MYO16: variants seen among roughly 807,000 people sequenced by gnomAD.
The protein encoded by MYO16 is myosin XVI.
MYO16 carries 94 observed loss-of-function variants against 205.3 expected under a neutral mutation model. That is an observed-to-expected ratio of 0.46 (90% CI 0.39 to 0.54). The LOEUF (loss-of-function observed/expected upper bound fraction) is 0.54, where lower values mean the gene tolerates loss of function less well. MYO16 is among the 20% of genes least tolerant of loss of function. MYO16 has a pLI of 0.00. For synonymous variants in MYO16, 988 were observed against 954.0 expected, an observed-to-expected ratio of 1.04 and a Z score of -0.66; for missense variants, 2,315 against 2,387.5, an observed-to-expected ratio of 0.97 and a Z score of 0.63.
the MYO16 span, among the ~76,000 whole-genome samples, chr13:108,523,213 C>T: frequency 2.0e-5 from 3 of 152,152 alleles, no homozygotes; most frequent in Non-Finnish European, 4.4e-5. Flanking sequence ...AGTTGAAGAG[C>T]ATGTGGACCT....
At chr13:109,107,024 T>C (rs879560706) in intron 28 of MYO16, among the ~76,000 whole-genome samples, 1 of 152,090 alleles carries the variant, frequency 6.6e-6, no homozygotes, top group African/African-American at 2.4e-5. Context: ...TACTCAAGAT[T>C]ATAATACAGA....
At chr13:108,658,600 ATGGTTAATTCTAAAAATGTATTATTTC>A (rs1346463070) in intron 1 of MYO16, among the ~76,000 whole-genome samples, 4 of 152,106 alleles carry the variant, frequency 2.6e-5, no homozygotes, top group African/African-American at 9.7e-5. Context: ...CCTTTCATCA[ATGGTTAATTCTAAAAATGTATTATTTC>A]TGTGATGTTT....
chr13:108,869,731 T>TAAAAAAAA lies in MYO16; in HGVS notation c.1425+3511_1425+3518dup, dbSNP rs68025820. Among the ~76,000 whole-genome samples the TAAAAAAAA allele has an allele frequency of 5.4e-4, 36 of 67,020 alleles. 1 individual carries two copies. The highest frequency in any genetic ancestry group is 6.4e-4 in the Non-Finnish European group (23 of 35,724). The allele number at this position is 67,020 out of a possible 152,430, so 44.0% of individuals were successfully genotyped here. A position where few individuals can be genotyped will look rare whatever the true frequency, so the allele number is the denominator to read the frequency against. ...GGGCGACAGAGCGAGACTCCGTTTC[T>TAAAAAAAA]AAAAAAAAAAAAAAAAAAAAAAAAA... is the stretch of plus-strand genomic sequence containing the variant. On this transcript the variant is annotated intron_variant, in intron 12 of 34. Transcript: ENST00000457511.
At chr13:108,659,226 G>C (rs996239642) in intron 1 of MYO16, 1 of 153,748 alleles carries the variant, frequency 6.5e-6, no homozygotes, top group Admixed American at 7.0e-5. Context: ...ATATATATAT[G>C]ATATATATAT....
intron 1 of MYO16, among the ~76,000 whole-genome samples, chr13:108,654,963 C>T (rs1345479478): frequency 6.6e-6 from 1 of 152,168 alleles, no homozygotes; most frequent in Admixed American, 6.5e-5. Context: ...CTGTTAAAAG[C>T]ATTCCATTTT....
At chr13:108,940,736 C>T (rs569987515) in intron 16 of MYO16, among the ~76,000 whole-genome samples, 1 of 152,198 alleles carries the variant, frequency 6.6e-6, no homozygotes, top group East Asian at 1.9e-4. Flanking sequence ...AATGAAGCAC[C>T]AGCTGCACTG....
intron 4 of MYO16, among the ~76,000 whole-genome samples, chr13:108,773,281 G>A (rs959156253): frequency 2.0e-5 from 3 of 152,186 alleles, no homozygotes; most frequent in African/African-American, 7.2e-5. Flanking sequence ...CGTTGTATTA[G>A]ATAAAGAGTA....
Position 108,634,748 on chromosome 13 carries a change from G to A in MYO16, c.28+4876G>A, listed in dbSNP as rs117640198. On this transcript the variant is annotated intron_variant, in intron 1 of 34. Transcript: ENST00000457511. ...CCACGTCTTCTTCTGCAGCTCTTGG[G>A]GGTTTTCTCCTAATTCACTAGCAGC... is the stretch of plus-strand genomic sequence containing the variant. 3.1e-3 allele frequency among the ~76,000 whole-genome samples: 475 copies of A among 152,246 alleles called. 1 individual carries two copies. The highest frequency in any genetic ancestry group is 4.9e-3 in the Non-Finnish European group (331 of 68,022).
intron 2 of MYO16, among the ~76,000 whole-genome samples, chr13:108,684,797 C>T (rs1277893912): frequency 6.6e-6 from 1 of 152,170 alleles, no homozygotes; most frequent in Non-Finnish European, 1.5e-5. Flanking sequence ...TTAGAGAGTT[C>T]CCGGATTACT....
chr13:108,655,707 G>A (rs550657491), intron 1 of MYO16, among the ~76,000 whole-genome samples: 4 of 152,264 alleles, frequency 2.6e-5, no homozygotes, highest in East Asian at 1.9e-4. Context: ...AAGCCACAGG[G>A]GTGGAGCTGC....
chr13:108,737,563 C>T (rs914334115), intron 4 of MYO16, among the ~76,000 whole-genome samples: 1 of 152,172 alleles, frequency 6.6e-6, no homozygotes, highest in African/African-American at 2.4e-5. Flanking sequence ...AGGATTTTTG[C>T]ATCAATGTTC....
At chr13:109,130,180 G>A (rs1230116561) in intron 31 of MYO16, among the ~76,000 whole-genome samples, 1 of 152,090 alleles carries the variant, frequency 6.6e-6, no homozygotes, top group Non-Finnish European at 1.5e-5. Context: ...TCATGTGATA[G>A]CATTAGGCAT....
chr13:108,814,120 G>T (rs573935541), intron 7 of MYO16, among the ~76,000 whole-genome samples: 9 of 152,088 alleles, frequency 5.9e-5, no homozygotes, highest in Admixed American at 3.3e-4. Context: ...AATGCTTTCC[G>T]CAGTTGAAGC....
At chr13:108,970,489 T>G (rs1883966409) in intron 20 of MYO16, among the ~76,000 whole-genome samples, 1 of 152,166 alleles carries the variant, frequency 6.6e-6, no homozygotes, top group Non-Finnish European at 1.5e-5. Context: ...TTAAGTATGT[T>G]CAAAGGTGAG....
At chr13:108,815,787 C>T (rs1394414338) in intron 7 of MYO16, among the ~76,000 whole-genome samples, 3 of 152,148 alleles carry the variant, frequency 2.0e-5, no homozygotes, top group Non-Finnish European at 4.4e-5. Context: ...TTGGAAAATT[C>T]ATCCTAAAAA....
At chr13:109,177,678 C>T (rs1025979271) in intron 33 of MYO16, among the ~76,000 whole-genome samples, 2 of 151,906 alleles carry the variant, frequency 1.3e-5, no homozygotes. Context: ...CCACCGTGCC[C>T]GGGTAATTTT....
intron 1 of MYO16, among the ~76,000 whole-genome samples, chr13:108,640,511 A>AT (rs1266093519): frequency 2.6e-5 from 4 of 152,262 alleles, no homozygotes; most frequent in South Asian, 2.1e-4. Context: ...AAAATGCTTC[A>AT]TTTTTTTGGA....
At chr13:108,877,362 G>T (rs1879376464) in intron 12 of MYO16, among the ~76,000 whole-genome samples, 2 of 152,164 alleles carry the variant, frequency 1.3e-5, no homozygotes, top group Admixed American at 1.3e-4. Context: ...ATCAAGCTCT[G>T]CCACCAACTA....
the MYO16 span, among the ~76,000 whole-genome samples, chr13:108,526,363 A>G: frequency 1.3e-5 from 2 of 152,194 alleles, no homozygotes; most frequent in Non-Finnish European, 2.9e-5. Context: ...TAAGAGAAGA[A>G]AACTTTCAGA....
Sources: allele counts gnomAD v4.1 joint callset (sites outside exome capture counted in the v4.1 genomes callset), GRCh38; gene constraint gnomAD v4.1.1; transcripts MANE v1.5; gene names NCBI Gene and HGNC (gene_info 2026-07-23, HGNC 2026-07-21).